PCSK5: variants seen among roughly 807,000 people sequenced by gnomAD.
PCSK5 encodes the protein proprotein convertase subtilisin/kexin type 5, also known as prohormone convertase 5.
PCSK5 carries 129 observed loss-of-function variants against 233.2 expected under a neutral mutation model. The observed-to-expected ratio is 0.55, with a 90% CI of 0.48 to 0.64. PCSK5 has a LOEUF of 0.64. Ranked by LOEUF, PCSK5 falls within the 30% of genes least tolerant of loss-of-function variation. PCSK5 has a pLI of 0.00. For missense variants in PCSK5, 2,076 were observed against 2,430.1 expected (o/e 0.85, Z 3.06); for synonymous variants, 825 against 879.2 (o/e 0.94, Z 1.09).
chr9:75,905,583 T>C (rs1826228040), intron 1 of PCSK5, among the ~76,000 whole-genome samples: 1 of 152,168 alleles, frequency 6.6e-6, no homozygotes, highest in Middle Eastern at 3.2e-3. Flanking sequence ...CAATTTAATA[T>C]TCTGCTTGAA....
rs1478217886 is a variant in PCSK5, at chr9:76,296,782, G to C, written c.3440G>C (p.Ser1147Thr). 6.2e-7 allele frequency: 1 copy of C among 1,611,864 alleles called. No homozygotes were observed. Among genetic ancestry groups the C allele is most frequent in the Non-Finnish European group, 8.5e-7 (1 of 1,179,158 alleles). ...ACAGGCCCTGGTCATGACGAGTGCA[G>C]CAGCTGCCAGGAAGGACTGCAGCTG... Reference protein sequence around the residue: ...TCTGPGHDECSSCQEGLQLLR... With the variant: ...TCTGPGHDECTSCQEGLQLLR... The change falls in exon 27 of 38, where the codon AGC (serine) becomes ACC (threonine). Residue 1147 changes from serine (S) to threonine (T), a missense_variant. Ser to Thr is a moderately conservative substitution (Grantham distance 58). This residue lies in a region of PCSK5 where 1,510 missense variants were observed against 1,538.1 expected (regional missense o/e 0.98). Transcript: ENST00000674117.
intron 5 of PCSK5, among the ~76,000 whole-genome samples, chr9:76,045,165 A>AATG (rs1829320853): frequency 6.6e-6 from 1 of 152,234 alleles, no homozygotes. Flanking sequence ...TCCTTCAGTG[A>AATG]ATGATCAGAA....
intron 2 of PCSK5, among the ~76,000 whole-genome samples, chr9:75,933,118 G>C (rs1823884426): frequency 6.6e-6 from 1 of 152,128 alleles, no homozygotes; most frequent in African/African-American, 2.4e-5. Flanking sequence ...CTATGCCTAG[G>C]TTCTCCCGTT....
intron 10 of PCSK5, among the ~76,000 whole-genome samples, chr9:76,151,953 A>T (rs557584486): frequency 6.6e-6 from 1 of 152,336 alleles, no homozygotes; most frequent in East Asian, 1.9e-4. Flanking sequence ...TGAGTGATAT[A>T]ATAATTAATT....
chr9:76,262,688 A>C (rs1234782688), intron 24 of PCSK5, among the ~76,000 whole-genome samples: 35 of 149,602 alleles, frequency 2.3e-4, no homozygotes, highest in Admixed American at 6.7e-4. Context: ...AAGAAAACCT[A>C]GGCATTACCA....
intron 30 of PCSK5, among the ~76,000 whole-genome samples, chr9:76,320,442 G>GA (rs1192301164): frequency 2.5e-4 from 9 of 35,382 alleles, no homozygotes; most frequent in African/African-American, 4.3e-4. Flanking sequence ...AAAAAAAAAA[G>GA]AAAAAAAAAA....
At chr9:75,955,496 C>G (rs1322839040) in intron 2 of PCSK5, among the ~76,000 whole-genome samples, 2 of 152,090 alleles carry the variant, frequency 1.3e-5, no homozygotes, top group East Asian at 3.9e-4. Flanking sequence ...CAAATTAATT[C>G]AATTGTAACA....
chr9:76,021,369 T>TG (rs5898444), intron 3 of PCSK5, among the ~76,000 whole-genome samples: 118,389 of 151,530 alleles, frequency 0.78, 47,746 homozygotes, highest in African/African-American at 0.93. Context: ...GGGTGTGGGT[T>TG]GGGGGGTGTA....
chr9:76,080,334 A>G (rs1830790115), intron 7 of PCSK5, among the ~76,000 whole-genome samples: 1 of 152,140 alleles, frequency 6.6e-6, no homozygotes, highest in Non-Finnish European at 1.5e-5. Context: ...CACGCACTCC[A>G]GCCCTTCAGA....
chr9:76,186,409 T>C lies in PCSK5; in HGVS notation c.2282+1652T>C, dbSNP rs539446614. ...TTAGTTAAAATTAAATTAAATAAAA[T>C]GTAAAATTCTGTTTCTTAGCCATAC... On this transcript the variant is annotated intron_variant, in intron 17 of 37. Transcript: ENST00000674117. 4.2e-4 allele frequency among the ~76,000 whole-genome samples: 58 copies of C among 138,510 alleles called. 1 individual carries two copies. Among genetic ancestry groups the C allele is most frequent in the African/African-American group, 1.4e-3 (57 of 40,922 alleles). The allele number at this position is 138,510 out of a possible 152,430, so 90.9% of individuals were successfully genotyped here.
chr9:76,069,875 G>A (rs1419067174), intron 6 of PCSK5, among the ~76,000 whole-genome samples: 1 of 148,718 alleles, frequency 6.7e-6, no homozygotes, highest in East Asian at 2.2e-4. Flanking sequence ...TAAGAAACAT[G>A]CAGACAAATT....
intron 4 of PCSK5, among the ~76,000 whole-genome samples, chr9:76,025,664 C>A (rs1245602375): frequency 3.9e-5 from 6 of 152,134 alleles, no homozygotes; most frequent in Non-Finnish European, 5.9e-5. Context: ...GTTGTAGTGA[C>A]CCCATATCTT....
chr9:76,343,369 G>C (rs1477742421), intron 35 of PCSK5, among the ~76,000 whole-genome samples: 1 of 148,386 alleles, frequency 6.7e-6, no homozygotes, highest in Non-Finnish European at 1.5e-5. Flanking sequence ...GTGTGTGTGT[G>C]TGTGTGTATT....
At chr9:75,933,243 T>A (rs1298672640) in intron 2 of PCSK5, among the ~76,000 whole-genome samples, 1 of 152,108 alleles carries the variant, frequency 6.6e-6, no homozygotes, top group Admixed American at 6.5e-5. Flanking sequence ...CCCTTATTAA[T>A]TAAGTTGGTG....
At chr9:76,354,824 C>A (rs1267949104) in intron 37 of PCSK5, among the ~76,000 whole-genome samples, 1 of 152,034 alleles carries the variant, frequency 6.6e-6, no homozygotes, top group East Asian at 1.9e-4. Flanking sequence ...TTTCTGCTTG[C>A]CTCCAAGACT....
intron 5 of PCSK5, among the ~76,000 whole-genome samples, chr9:76,042,436 A>G (rs1386711544): frequency 1.3e-5 from 2 of 152,198 alleles, no homozygotes; most frequent in Admixed American, 1.3e-4. Flanking sequence ...AGATCACTTG[A>G]AGTCAGGAGT....
chr9:75,987,443 C>T (rs1376199102), intron 3 of PCSK5, among the ~76,000 whole-genome samples: 3 of 152,190 alleles, frequency 2.0e-5, no homozygotes, highest in African/African-American at 7.2e-5. Flanking sequence ...TGAGGGCAAG[C>T]TCTGCATCTT....
At chr9:76,137,031 C>T (rs1823012449) in intron 10 of PCSK5, among the ~76,000 whole-genome samples, 1 of 152,132 alleles carries the variant, frequency 6.6e-6, no homozygotes, top group Non-Finnish European at 1.5e-5. Context: ...CCTAGGCAGA[C>T]AGCAGGGCTG....
At chr9:76,156,905 T>G in intron 10 of PCSK5, 140 bp from the exon 11 acceptor site, 1 of 669,488 alleles carries the variant, frequency 1.5e-6, no homozygotes. Flanking sequence ...TATGTATTTG[T>G]TTTGCTGGAT....
Sources: gnomAD v4.1 joint callset for allele counts (sites outside exome capture counted in the v4.1 genomes callset) on GRCh38, gnomAD v4.1.1 for gene constraint, gnomAD v4.1.1 regional missense constraint, MANE v1.5 for transcripts, NCBI Gene and HGNC (gene_info 2026-07-23, HGNC 2026-07-21) for gene names.